The following SYNPR variants were observed in gnomAD, a reference collection of about 807,000 sequenced individuals.
The protein encoded by SYNPR is synaptoporin.
SYNPR carries 23 observed loss-of-function variants against 32.9 expected under a neutral mutation model. That is an observed-to-expected ratio of 0.70 (90% confidence interval 0.50 to 0.99). The LOEUF (loss-of-function observed/expected upper bound fraction) is 0.99, where lower values mean the gene tolerates loss of function less well. Among genes scored for constraint, SYNPR ranks in the 50% least tolerant of loss-of-function variants. The pLI is 0.00. For missense variants in SYNPR, 318 were observed against 349.3 expected (o/e 0.91, Z 0.71); for synonymous variants, 146 against 135.9 (o/e 1.07, Z -0.52).
At chr3:63,357,486 C>T (rs1308985542) in intron 2 of SYNPR, among the ~76,000 whole-genome samples, 3 of 151,996 alleles carry the variant, frequency 2.0e-5, no homozygotes, top group African/African-American at 7.3e-5. Context: ...AGCTTTTATC[C>T]ATCAGGTCTT....
At chr3:63,211,534 G>C in the SYNPR span, among the ~76,000 whole-genome samples, 1 of 152,122 alleles carries the variant, frequency 6.6e-6, no homozygotes, top group Non-Finnish European at 1.5e-5. Flanking sequence ...TTGTTATAAA[G>C]TTGTTCTCTC....
chr3:63,445,581 G>A, intron 2 of SYNPR: 3 of 700,418 alleles, frequency 4.3e-6, no homozygotes, highest in Admixed American at 4.0e-5. Context: ...CATTTAGTAA[G>A]TACATCCTAT....
At chr3:63,270,433 A>T (rs1348746958) in intron 3 of SYNPR, among the ~76,000 whole-genome samples, 1 of 152,224 alleles carries the variant, frequency 6.6e-6, no homozygotes, top group East Asian at 1.9e-4. Flanking sequence ...AAAATAAATC[A>T]AACCAAGGGA....
At chr3:63,529,002 T>C (rs186708724) in intron 3 of SYNPR, among the ~76,000 whole-genome samples, 56 of 152,360 alleles carry the variant, frequency 3.7e-4, no homozygotes, top group African/African-American at 1.3e-3. Flanking sequence ...CTCATGAATC[T>C]CCTGTTTACA....
chr3:63,610,877 G>A (rs1700187148), intron 5 of SYNPR, among the ~76,000 whole-genome samples: 1 of 152,152 alleles, frequency 6.6e-6, no homozygotes, highest in Non-Finnish European at 1.5e-5. Flanking sequence ...AATTATGAAT[G>A]AAAAACAATG....
At chr3:63,517,219 C>T (rs1319854420) in intron 3 of SYNPR, among the ~76,000 whole-genome samples, 1 of 152,132 alleles carries the variant, frequency 6.6e-6, no homozygotes, top group Admixed American at 6.6e-5. Flanking sequence ...GTTCTAAGCA[C>T]AGGCAGGCAG....
Position 63,567,570 on chromosome 3 carries a change from C to T in SYNPR, c.408+10829C>T, listed in dbSNP as rs1702812905. Among the ~76,000 whole-genome samples, 4 of 152,186 alleles carry T rather than the reference C, an allele frequency of 2.6e-5. No homozygotes were observed. The South Asian group carries it at 8.3e-4, about 32-fold the overall frequency. On this transcript the variant is annotated intron_variant, in intron 4 of 5. Transcript: ENST00000478300. ...TGGGGTCTCAGCAGCTTAAGAATGT[C>T]TTGCTCTAATACTCACAGTTCATTA...
chr3:63,528,146 A>G (rs868005685), intron 3 of SYNPR, among the ~76,000 whole-genome samples: 1 of 152,198 alleles, frequency 6.6e-6, no homozygotes, highest in South Asian at 2.1e-4. Context: ...TCAAAAAGCA[A>G]TCCATGAAGT....
At chr3:63,603,057 C>A (rs1700067489) in intron 4 of SYNPR, among the ~76,000 whole-genome samples, 1 of 151,988 alleles carries the variant, frequency 6.6e-6, no homozygotes, top group Non-Finnish European at 1.5e-5. Flanking sequence ...AGAGATTTTT[C>A]ATCTCCCTGA....
At chr3:63,406,815 G>A (rs2088366624) in intron 2 of SYNPR, among the ~76,000 whole-genome samples, 1 of 152,016 alleles carries the variant, frequency 6.6e-6, no homozygotes, top group Non-Finnish European at 1.5e-5. Context: ...AACTTCAGAG[G>A]CCCACACTGA....
At chr3:63,210,944 T>C in the SYNPR span, among the ~76,000 whole-genome samples, 4 of 152,158 alleles carry the variant, frequency 2.6e-5, no homozygotes, top group South Asian at 2.1e-4. Flanking sequence ...CACACATCCT[T>C]TACTGGTTCT....
At chr3:63,355,536 T>G (rs2087565768) in intron 2 of SYNPR, among the ~76,000 whole-genome samples, 1 of 152,138 alleles carries the variant, frequency 6.6e-6, no homozygotes, top group Admixed American at 6.5e-5. Flanking sequence ...AAAATGCAAT[T>G]TTGAACATAC....
intron 2 of SYNPR, among the ~76,000 whole-genome samples, chr3:63,282,362 A>T (rs953147419): frequency 6.6e-6 from 1 of 152,222 alleles, no homozygotes; most frequent in Non-Finnish European, 1.5e-5. Context: ...TACTGGATCT[A>T]AATGAATATG....
intron 2 of SYNPR, among the ~76,000 whole-genome samples, chr3:63,309,386 C>T (rs2086940116): frequency 6.6e-6 from 1 of 151,932 alleles, no homozygotes; most frequent in South Asian, 2.1e-4. Context: ...GTTTGCTCAT[C>T]CTTGATTGGA....
intron 3 of SYNPR, among the ~76,000 whole-genome samples, chr3:63,484,779 A>T (rs1018979044): frequency 1.3e-5 from 2 of 152,192 alleles, no homozygotes; most frequent in Non-Finnish European, 2.9e-5. Context: ...TTGGATTTTT[A>T]AAATTTTGTG....
At chr3:63,289,670 G>T (rs62251349) in intron 2 of SYNPR, among the ~76,000 whole-genome samples, 43,357 of 151,868 alleles carry the variant, frequency 0.29, 7,502 homozygotes, top group Non-Finnish European at 0.39. Flanking sequence ...ATTACGGATC[G>T]AATTTCAACT....
At chr3:63,441,448 C>G (rs902174979) in intron 2 of SYNPR, among the ~76,000 whole-genome samples, 1 of 152,204 alleles carries the variant, frequency 6.6e-6, no homozygotes, top group Non-Finnish European at 1.5e-5. Flanking sequence ...CCTACTCTGA[C>G]TCTGCCCCTT....
intron 2 of SYNPR, among the ~76,000 whole-genome samples, chr3:63,449,632 C>T (rs967461927): frequency 6.6e-6 from 1 of 152,102 alleles, no homozygotes; most frequent in African/African-American, 2.4e-5. Flanking sequence ...ATCCTCCCAC[C>T]ATATTTCTAC....
chr3:63,421,092 G>A (rs1281772280), intron 2 of SYNPR, among the ~76,000 whole-genome samples: 1 of 152,000 alleles, frequency 6.6e-6, no homozygotes, highest in Non-Finnish European at 1.5e-5. Context: ...ATGTTGCCCA[G>A]GAATGGTCTT....
Sources: gnomAD v4.1 joint callset for allele counts (sites outside exome capture counted in the v4.1 genomes callset) on GRCh38, gnomAD v4.1.1 for gene constraint, MANE v1.5 for transcripts, NCBI Gene and HGNC (gene_info 2026-07-23, HGNC 2026-07-21) for gene names.